The following CREBRF variants were observed in gnomAD, a reference collection of about 807,000 sequenced individuals.
CREBRF encodes the protein UPF0474 protein C5orf41.
In CREBRF, 5 loss-of-function variants were observed where a neutral mutation model predicts 66.1. That is an observed-to-expected ratio of 0.08 (90% CI 0.04 to 0.16). The LOEUF (loss-of-function observed/expected upper bound fraction) is 0.16. Among genes scored for constraint, CREBRF ranks in the 10% least tolerant of loss-of-function variants. The pLI is 1.00. For missense variants in CREBRF, 531 were observed against 744.9 expected, an observed-to-expected ratio of 0.71 and a Z score of 3.34; for synonymous variants, 229 against 264.4, an observed-to-expected ratio of 0.87 and a Z score of 1.30.
chr5:173,110,771 A>T, intron 6 of CREBRF, 60 bp downstream of exon 6: 2 of 1,286,306 alleles, frequency 1.6e-6, no homozygotes, highest in Non-Finnish European at 2.2e-6. Context: ...TTAGTCCCTA[A>T]GTGAGTTTTT....
chr5:173,099,250 G>C (rs1561807922), intron 4 of CREBRF, among the ~76,000 whole-genome samples: 1 of 152,102 alleles, frequency 6.6e-6, no homozygotes, highest in Non-Finnish European at 1.5e-5. Context: ...TGACCTGCCA[G>C]ACTCAAGCAA....
chr5:173,119,873 G>A (rs939315823), intron 7 of CREBRF, among the ~76,000 whole-genome samples: 2 of 152,014 alleles, frequency 1.3e-5, no homozygotes, highest in African/African-American at 4.8e-5. Context: ...CTTTTATTCT[G>A]TTAATACATC....
chr5:173,077,334 G>A (rs1474060595), intron 1 of CREBRF, among the ~76,000 whole-genome samples: 1 of 152,120 alleles, frequency 6.6e-6, no homozygotes, highest in Non-Finnish European at 1.5e-5. Context: ...ATCTTTAGCT[G>A]TACAATTTTA....
At chr5:173,057,348 C>T (rs1249098426) in intron 1 of CREBRF, 2 of 151,998 alleles carry the variant, frequency 1.3e-5, no homozygotes, top group East Asian at 3.9e-4. Context: ...GGGGAGGAGA[C>T]AGGGCAAAGG....
At chr5:173,064,407 C>T (rs1757371307) in intron 1 of CREBRF, among the ~76,000 whole-genome samples, 1 of 152,136 alleles carries the variant, frequency 6.6e-6, no homozygotes, top group South Asian at 2.1e-4. Context: ...TTGTTTGAGA[C>T]AGGTCTTGCT....
At chr5:173,063,972 T>C (rs1757358748) in intron 1 of CREBRF, among the ~76,000 whole-genome samples, 1 of 152,184 alleles carries the variant, frequency 6.6e-6, no homozygotes, top group South Asian at 2.1e-4. Context: ...TCTGCCTGCC[T>C]TGGCCTCCCA....
intron 4 of CREBRF, among the ~76,000 whole-genome samples, chr5:173,103,305 A>G (rs919432696): frequency 1.3e-5 from 2 of 152,342 alleles, no homozygotes; most frequent in Middle Eastern, 6.8e-3. Context: ...ACAAATGTTA[A>G]TGAGCAGCAT....
Position 173,090,841 on chromosome 5 carries a change from A to G in CREBRF, c.662A>G (p.His221Arg). ...TQIMVKTNMY[H>R]NEKVNFHVEC... ...ATCATGGTGAAGACCAACATGTATC[A>G]TAATGAAAAGGTGAACTTTCATGTT... Residue 221 changes from histidine to arginine, a missense_variant, in exon 4 of 9, where the codon CAT becomes CGT. Coordinates refer to ENST00000296953, the MANE Select transcript of CREBRF (RefSeq NM_153607.3). The surrounding 1 kb of genome is among the most constrained non-coding windows in gnomAD (Gnocchi z 4.5). The G allele has an allele frequency of 6.2e-7, 1 of 1,614,232 alleles. No individual in the cohort carries two copies. The highest frequency in any genetic ancestry group is 8.5e-7 in the Non-Finnish European group (1 of 1,180,046).
intron 1 of CREBRF, among the ~76,000 whole-genome samples, chr5:173,074,014 T>C (rs778311759): frequency 7.7e-5 from 10 of 130,340 alleles, no homozygotes; most frequent in Non-Finnish European, 6.4e-5. Flanking sequence ...TAAATAGTTT[T>C]CTTTTTGGCC....
chr5:173,056,510 C>T (rs1440027711), intron 1 of CREBRF, 31 bp downstream of exon 1: 1 of 398,406 alleles, frequency 2.5e-6, no homozygotes, highest in Non-Finnish European at 4.4e-6. Context: ...CTCGGAACCC[C>T]CAGGGGCCTG....
intron 5 of CREBRF, 120 bp from the exon 6 acceptor site, chr5:173,110,402 A>G (rs761873190): frequency 3.9e-6 from 3 of 770,704 alleles, no homozygotes; most frequent in Non-Finnish European, 7.0e-6. Context: ...CTTCTGAAAC[A>G]TGCCAAGACT....
At chr5:173,118,331 A>G (rs940400560) in intron 7 of CREBRF, among the ~76,000 whole-genome samples, 2 of 152,220 alleles carry the variant, frequency 1.3e-5, no homozygotes, top group Non-Finnish European at 2.9e-5. Context: ...GCATCTTTCA[A>G]AGATCAAACA....
chr5:173,133,619 C>G lies in CREBRF; in HGVS notation c.1805-11C>G. The G allele has an allele frequency of 6.5e-7, 1 of 1,529,588 alleles. No homozygotes were observed. The highest frequency in any genetic ancestry group is 1.4e-5 in the African/African-American group (1 of 72,922). The allele number at this position is 1,529,588 out of a possible 1,614,324, so 94.8% of individuals were successfully genotyped here. ...TTTGTGTCTAGATGTGCCTTTTATT[C>G]TTCTCTTCAGGTCTACCAGTTGCTG... is the stretch of plus-strand genomic sequence containing the variant. On this transcript the variant is annotated splice_polypyrimidine_tract_variant and intron_variant, in intron 8 of 8. Transcript: ENST00000296953.
intron 8 of CREBRF, 80 bp from the exon 9 acceptor site, chr5:173,133,550 T>C: frequency 1.4e-6 from 1 of 725,020 alleles, no homozygotes; most frequent in South Asian, 1.8e-5. Context: ...CACCTGAACC[T>C]CAGTTTTTAC....
At chr5:173,083,220 AT>A (rs1305808952) in intron 2 of CREBRF, among the ~76,000 whole-genome samples, 23 of 152,116 alleles carry the variant, frequency 1.5e-4, no homozygotes, top group African/African-American at 4.6e-4. Flanking sequence ...CCAAAAAAAA[AT>A]AAATAAATAA....
chr5:173,074,830 A>G (rs1757712952), intron 1 of CREBRF, among the ~76,000 whole-genome samples: 1 of 152,106 alleles, frequency 6.6e-6, no homozygotes, highest in Non-Finnish European at 1.5e-5. Flanking sequence ...CATGTTGGCC[A>G]GGCTGGTCTC....
chr5:173,072,334 G>A (rs552423062), intron 1 of CREBRF, among the ~76,000 whole-genome samples: 2 of 152,016 alleles, frequency 1.3e-5, no homozygotes, highest in African/African-American at 4.8e-5. Flanking sequence ...GGAGTGCAGT[G>A]GCGCAATCTG....
At chr5:173,098,105 C>A (rs2113752196) in intron 4 of CREBRF, among the ~76,000 whole-genome samples, 1 of 151,236 alleles carries the variant, frequency 6.6e-6, no homozygotes, top group South Asian at 2.1e-4. Flanking sequence ...TTTTTCTATT[C>A]CTCTTTTGAT....
At chr5:173,068,667 T>A (rs1757506324) in intron 1 of CREBRF, among the ~76,000 whole-genome samples, 1 of 152,076 alleles carries the variant, frequency 6.6e-6, no homozygotes. Context: ...ATAATTGACA[T>A]ACACCCTCAT....
Sources: gnomAD v4.1 joint callset for allele counts (sites outside exome capture counted in the v4.1 genomes callset) on GRCh38, gnomAD v4.1.1 for gene constraint, Gnocchi (gnomAD v3.1) non-coding constraint, MANE v1.5 for transcripts, NCBI Gene and HGNC (gene_info 2026-07-23, HGNC 2026-07-21) for gene names.